HECTD4: variants seen among roughly 807,000 people sequenced by gnomAD.
HECTD4 encodes the protein HECT domain E3 ubiquitin protein ligase 4, also known as probable E3 ubiquitin-protein ligase HECTD4.
In HECTD4, 114 loss-of-function variants were observed where a neutral mutation model predicts 471.5. The ratio of observed to expected loss-of-function variants is 0.24; its 90% CI spans 0.21 to 0.28. The LOEUF is 0.28. Ranked by LOEUF, HECTD4 falls within the 10% of genes least tolerant of loss-of-function variation. The pLI is 1.00. For synonymous variants in HECTD4, 2,012 were observed against 2,256.0 expected (o/e 0.89, Z 3.07); for missense variants, 3,866 against 5,651.5 (o/e 0.68, Z 10.13).
chr12:112,179,184 T>C lies in HECTD4; in HGVS notation c.11201A>G (p.Gln3734Arg). The change falls in exon 63 of 76, where the codon CAG becomes CGG. Residue 3734 changes from glutamine (Q) to arginine (R), a missense_variant. By Grantham distance (43) the Gln-to-Arg change is conservative. Around this residue, in one of 16 missense-constraint regions of HECTD4, gnomAD observed 715 missense variants for 1,087.6 expected, o/e 0.66. Coordinates refer to ENST00000682272, the MANE Select transcript of HECTD4 (RefSeq NM_001388303.1). The surrounding 1 kb of genome is among the most constrained non-coding windows in gnomAD (Gnocchi z 4.3). ...VRPPKKVLED[Q>R]LTQILRKYGV... ...GGGACGGGCAGCTACCTGGGTGAGC[T>C]GATCCTCCAGCACCTTTTTTGGCGG... The C allele has an allele frequency of 6.2e-7, 1 of 1,613,696 alleles. No individual in the cohort carries two copies. The highest frequency in any genetic ancestry group is 8.5e-7 in the Non-Finnish European group (1 of 1,179,780).
At position 112,371,507 on chromosome 12, in the gene HECTD4, G is replaced by A. The variant is rs530448637; in HGVS notation, c.177+10445C>T. ...GAAGAATAGCTTGAACCCAAGAGGC[G>A]GAGGTTTTAGTGAGCCGAGATCACG... On this transcript the variant is annotated intron_variant, in intron 1 of 75. Transcript: ENST00000682272. Among the ~76,000 whole-genome samples, 15 of 151,940 alleles carry A rather than the reference G, an allele frequency of 9.9e-5. No homozygotes were observed. In the South Asian group the frequency reaches 1.7e-3, roughly 17 times the overall value.
At chr12:112,312,120 G>A (rs1174213495) in intron 4 of HECTD4, among the ~76,000 whole-genome samples, 1 of 152,118 alleles carries the variant, frequency 6.6e-6, no homozygotes, top group Non-Finnish European at 1.5e-5. Context: ...AAGGGAGGGA[G>A]GAACAGACTC....
chr12:112,261,010 T>A (rs1157227863), intron 18 of HECTD4, among the ~76,000 whole-genome samples: 1 of 152,088 alleles, frequency 6.6e-6, no homozygotes, highest in African/African-American at 2.4e-5. Context: ...CCTTGATAAT[T>A]AAAGGAAAGG....
chr12:112,216,744 T>G, intron 47 of HECTD4, 29 bp downstream of exon 47: 1 of 1,608,956 alleles, frequency 6.2e-7, no homozygotes, highest in Non-Finnish European at 8.5e-7. Flanking sequence ...TACTGCTCTC[T>G]GTCACACTGA....
At position 112,249,955 on chromosome 12, in the gene HECTD4, C is replaced by A. The variant is rs185678980; in HGVS notation, c.3950+189G>T. ...GATGCCAATGCTGCTGACTGGTGGG[C>A]CAAATTTTGAGAGCCCCTAGTCTGG... On this transcript the variant is annotated intron_variant, in intron 25 of 75. Coordinates refer to ENST00000682272, the MANE Select transcript of HECTD4 (RefSeq NM_001388303.1). 865 of 589,206 alleles carry A rather than the reference C, an allele frequency of 1.5e-3. 9 individuals carry two copies. In the African/African-American group the frequency reaches 0.015, roughly 10 times the overall value. 36.5% of individuals were successfully genotyped at this position (589,206 alleles called of 1,614,324 possible).
chr12:112,243,897 C>T lies in HECTD4; in HGVS notation c.4626G>A (p.Leu1542=), dbSNP rs1261721511. ...SDLEMIGNED[L]EFTRANQRRR... ...ACCTCTGATTTGCTCTAGTAAATTC[C>T]AAATCTTCATTACCAATCATTTCCA... Residue 1542 remains leucine, a synonymous_variant, in exon 30 of 76, where the codon TTG becomes TTA. Coordinates refer to ENST00000682272, the MANE Select transcript of HECTD4 (RefSeq NM_001388303.1). This position sits in a 1 kb window ranked among gnomAD's most constrained non-coding sequence, Gnocchi z 6.6. 6.2e-6 allele frequency: 10 copies of T among 1,613,904 alleles called. No individual in the cohort carries two copies. The highest frequency in any genetic ancestry group is 2.7e-5 in the African/African-American group (2 of 74,922).
At position 112,239,834 on chromosome 12, in the gene HECTD4, A is replaced by G. The variant is rs1270855380; in HGVS notation, c.5105+47T>C. 7 of 1,541,680 alleles carry G rather than the reference A, an allele frequency of 4.5e-6. No homozygotes were observed. Among genetic ancestry groups the G allele is most frequent in the Non-Finnish European group, 5.3e-6 (6 of 1,129,536 alleles). Reference sequence around the variant, plus strand: ...TAAAAATACTTTCACTTAATCGACTATACTGCAGGGTAACTTACATACAAC... The same window carrying G: ...TAAAAATACTTTCACTTAATCGACTGTACTGCAGGGTAACTTACATACAAC... On this transcript the variant is annotated intron_variant, in intron 33 of 75. Coordinates refer to ENST00000682272, the MANE Select transcript of HECTD4 (RefSeq NM_001388303.1). The surrounding 1 kb of genome is among the most constrained non-coding windows in gnomAD (Gnocchi z 4.9).
rs1281806842 is a variant in HECTD4, at chr12:112,239,039, T to A, written c.5290+13A>T. On this transcript the variant is annotated intron_variant, in intron 34 of 75. Transcript: ENST00000682272. This position sits in a 1 kb window ranked among gnomAD's most constrained non-coding sequence, Gnocchi z 4.9. ...GAAATCAGTGAGCTCTAGAAAGGAG[T>A]CTGGCATCTCACCTTCCTCTTTTTC... 1 of 1,601,718 alleles carries A rather than the reference T, an allele frequency of 6.2e-7. No individual in the cohort carries two copies. Among genetic ancestry groups the A allele is most frequent in the Non-Finnish European group, 8.5e-7 (1 of 1,174,298 alleles).
At chr12:112,354,257 C>G (rs754709062) in intron 1 of HECTD4, among the ~76,000 whole-genome samples, 1 of 151,930 alleles carries the variant, frequency 6.6e-6, no homozygotes. Context: ...AGCAGGATCT[C>G]GCCATGTTGC....
At chr12:112,344,240 C>A (rs2036104167) in intron 1 of HECTD4, among the ~76,000 whole-genome samples, 1 of 152,184 alleles carries the variant, frequency 6.6e-6, no homozygotes. Context: ...GTATTTCCAA[C>A]CCTTAATGGC....
intron 1 of HECTD4, among the ~76,000 whole-genome samples, chr12:112,336,773 A>G (rs1385067536): frequency 6.6e-6 from 1 of 152,184 alleles, no homozygotes; most frequent in African/African-American, 2.4e-5. Flanking sequence ...ATGAAATAAG[A>G]TTAGCCACGA....
chr12:112,293,699 G>A (rs80217554), intron 7 of HECTD4, among the ~76,000 whole-genome samples: 8 of 152,244 alleles, frequency 5.3e-5, no homozygotes, highest in African/African-American at 1.9e-4. Flanking sequence ...TATGTGCTCC[G>A]TCCGTGGAAG....
At chr12:112,312,346 A>G (rs1035339791) in intron 4 of HECTD4, among the ~76,000 whole-genome samples, 2 of 152,162 alleles carry the variant, frequency 1.3e-5, no homozygotes, top group African/African-American at 2.4e-5. Context: ...CAAGCCTGCA[A>G]TTCCGCTGGT....
chr12:112,189,104 T>G (rs576050609), intron 60 of HECTD4, among the ~76,000 whole-genome samples: 1 of 152,282 alleles, frequency 6.6e-6, no homozygotes, highest in South Asian at 2.1e-4. Context: ...AGTGATCCTC[T>G]TGCCTCAGCC....
At chr12:112,345,049 T>A (rs1594061996) in intron 1 of HECTD4, among the ~76,000 whole-genome samples, 2 of 150,254 alleles carry the variant, frequency 1.3e-5, no homozygotes, top group African/African-American at 2.4e-5. Flanking sequence ...AGCCCAGGAG[T>A]TCAAGACCAG....
chr12:112,354,699 AACAC>A (rs897304388), intron 1 of HECTD4, among the ~76,000 whole-genome samples: 3 of 151,022 alleles, frequency 2.0e-5, no homozygotes, highest in Admixed American at 6.6e-5. Context: ...ACAAAACAAC[AACAC>A]ACACACACAC....
rs577251052 is a variant in HECTD4, at chr12:112,343,684, T to C, written c.178-23942A>G. Among the ~76,000 whole-genome samples the C allele has an allele frequency of 5.3e-5, 8 of 152,038 alleles. No individual in the cohort carries two copies. The South Asian group carries it at 1.5e-3, about 28-fold the overall frequency. On this transcript the variant is annotated intron_variant, in intron 1 of 75. Transcript: ENST00000682272. ...TACATGAAAGGCTGAAGTGGGAGGA[T>C]TTCTTGAGGCCAGGAGTTCAAGGCT...
Position 112,179,120 on chromosome 12 carries a change from C to T in HECTD4, c.11212-38G>A, listed in dbSNP as rs772768262. 7 of 1,613,638 alleles carry T rather than the reference C, an allele frequency of 4.3e-6. No individual in the cohort carries two copies. Among genetic ancestry groups the T allele is most frequent in the East Asian group, 2.2e-5 (1 of 44,870 alleles). On this transcript the variant is annotated intron_variant, in intron 63 of 75. Transcript: ENST00000682272. This position sits in a 1 kb window ranked among gnomAD's most constrained non-coding sequence, Gnocchi z 4.3. ...GAGGCAGCGGGGAGGCTCTCAGGTTCGCCCTGCAGGGCACCCAAGGCCCGG... is the reference window on the plus strand; with the variant it reads ...GAGGCAGCGGGGAGGCTCTCAGGTTTGCCCTGCAGGGCACCCAAGGCCCGG...
rs916297761 is a variant in HECTD4 at position 112,381,910 on chromosome 12, T to A, written c.177+42A>T. On this transcript the variant is annotated intron_variant, in intron 1 of 75. Transcript: ENST00000682272. The surrounding 1 kb of genome is among the most constrained non-coding windows in gnomAD (Gnocchi z 4.1). ...GCCCGACCCGGGGGTGCCGGGCGAG[T>A]GGGTCAGTCCGATGGCGGGGGCCGG... 90 of 1,208,784 alleles carry A rather than the reference T, an allele frequency of 7.4e-5. No homozygotes were observed. The African/African-American group carries it at 1.3e-3, about 18-fold the overall frequency. The allele number at this position is 1,208,784 out of a possible 1,614,324, so 74.9% of individuals were successfully genotyped here.
Sources: gnomAD v4.1 joint callset for allele counts (sites outside exome capture counted in the v4.1 genomes callset) on GRCh38, gnomAD v4.1.1 for gene constraint, gnomAD v4.1.1 regional missense constraint, Gnocchi (gnomAD v3.1) non-coding constraint, MANE v1.5 for transcripts, NCBI Gene and HGNC (gene_info 2026-07-23, HGNC 2026-07-21) for gene names.